LUC7L: variants seen among roughly 807,000 people sequenced by gnomAD.
LUC7L encodes putative RNA-binding protein Luc7-like 1.
A neutral mutation model predicts 51.1 loss-of-function variants in LUC7L; 29 were observed. The ratio of observed to expected loss-of-function variants is 0.57; its 90% CI spans 0.42 to 0.77. The LOEUF (loss-of-function observed/expected upper bound fraction) is 0.77, where lower values mean the gene tolerates loss of function less well. LUC7L is among the 30% of genes least tolerant of loss of function. LUC7L has a pLI of 0.00. For synonymous variants in LUC7L, 181 were observed against 180.7 expected (o/e 1.00, Z -0.01); for missense variants, 403 against 511.9 (o/e 0.79, Z 2.05).
chr16:219,597 G>C (rs2049908203), intron 3 of LUC7L, among the ~76,000 whole-genome samples: 1 of 151,778 alleles, frequency 6.6e-6, no homozygotes, highest in Non-Finnish European at 1.5e-5. Flanking sequence ...AAAGAAGCTA[G>C]GCACGGTGGC....
At chr16:217,577 T>G (rs1039163035) in intron 3 of LUC7L, among the ~76,000 whole-genome samples, 9 of 151,334 alleles carry the variant, frequency 5.9e-5, no homozygotes, top group Non-Finnish European at 1.0e-4. Context: ...CGTAGCGATG[T>G]GCACCTGTAA....
At chr16:202,144 T>C (rs2049351682) in intron 5 of LUC7L, among the ~76,000 whole-genome samples, 1 of 151,978 alleles carries the variant, frequency 6.6e-6, no homozygotes, top group Non-Finnish European at 1.5e-5. Context: ...CCTTCCAAAG[T>C]GTTGAGATTA....
At chr16:228,438 G>A (rs1380181889) in intron 1 of LUC7L, 3 of 1,259,596 alleles carry the variant, frequency 2.4e-6, no homozygotes, top group East Asian at 5.7e-5. Flanking sequence ...CAATTGTTCA[G>A]TTTGTATGAA....
chr16:227,882 A>G (rs2050170895), intron 1 of LUC7L: 1 of 1,001,550 alleles, frequency 1.0e-6, no homozygotes, highest in Non-Finnish European at 1.2e-6. Context: ...CCCTTAAAAA[A>G]GAGAGTTGCT....
chr16:193,589 T>G (rs902140245), intron 6 of LUC7L, among the ~76,000 whole-genome samples: 3 of 151,538 alleles, frequency 2.0e-5, no homozygotes, highest in African/African-American at 7.3e-5. Flanking sequence ...CTCTGCCTCC[T>G]GGGTTCAAGC....
chr16:221,414 G>C lies in LUC7L; in HGVS notation c.157-667C>G, dbSNP rs1425393578. Among the ~76,000 whole-genome samples, 2 of 151,904 alleles carry C rather than the reference G, an allele frequency of 1.3e-5. 1 individual carries two copies. Among genetic ancestry groups the C allele is most frequent in the South Asian group, 4.2e-4 (2 of 4,804 alleles). On this transcript the variant is annotated intron_variant, in intron 2 of 9. Coordinates refer to ENST00000293872, the MANE Select transcript of LUC7L (RefSeq NM_201412.3). ...ATGTGGGGTGGCAGGGATAGGAAAC[G>C]GCCAGGGCTGGGCGTGGTGGCTCAC...
intron 2 of LUC7L, among the ~76,000 whole-genome samples, chr16:221,472 C>G (rs1371800443): frequency 6.6e-6 from 1 of 151,978 alleles, no homozygotes; most frequent in African/African-American, 2.4e-5. Context: ...GAGGGTGAGG[C>G]AGGCGGATCA....
rs538171444 is a variant in LUC7L at position 214,751 on chromosome 16, A to T, written c.255+5898T>A. 1.1e-4 allele frequency among the ~76,000 whole-genome samples: 17 copies of T among 152,218 alleles called. No homozygotes were observed. In the East Asian group the frequency reaches 1.7e-3, roughly 16 times the overall value. Reference sequence around the variant, plus strand: ...GTCATCTTGCCCAGGCTAGTCTCCAACTGGGCTCATGCGACCCACCCACCC... The same window carrying T: ...GTCATCTTGCCCAGGCTAGTCTCCATCTGGGCTCATGCGACCCACCCACCC... On this transcript the variant is annotated intron_variant, in intron 3 of 9. Coordinates refer to ENST00000293872, the MANE Select transcript of LUC7L (RefSeq NM_201412.3).
At chr16:189,940 C>T (rs753583612) in intron 9 of LUC7L, 28 bp downstream of exon 9, 5 of 1,591,036 alleles carry the variant, frequency 3.1e-6, no homozygotes, top group Non-Finnish European at 4.3e-6. Flanking sequence ...CTCCTGGTTG[C>T]AGCTACCGAA....
intron 1 of LUC7L, chr16:228,120 G>C: frequency 8.7e-7 from 1 of 1,148,226 alleles, no homozygotes; most frequent in Non-Finnish European, 1.1e-6. Flanking sequence ...AGGTAAAGTG[G>C]TATGTGACAA....
intron 6 of LUC7L, among the ~76,000 whole-genome samples, chr16:196,719 G>C (rs1001823222): frequency 1.3e-5 from 2 of 151,760 alleles, no homozygotes; most frequent in African/African-American, 4.8e-5. Context: ...GTAGAGACAG[G>C]GTTTTGCTAT....
At chr16:220,069 T>A (rs2049923788) in intron 3 of LUC7L, 1 of 152,150 alleles carries the variant, frequency 6.6e-6, no homozygotes, top group Non-Finnish European at 1.5e-5. Context: ...AAGACAACAT[T>A]ACAAAATTGT....
chr16:200,329 C>T (rs555920291), intron 5 of LUC7L, among the ~76,000 whole-genome samples: 411 of 150,988 alleles, frequency 2.7e-3, no homozygotes, highest in African/African-American at 9.5e-3. Context: ...GAGGCTGAGG[C>T]AGGAGAATGG....
rs2048939396 is a variant in LUC7L at position 189,059 on chromosome 16, A to G, written c.*139T>C. The G allele has an allele frequency of 1.7e-5, 16 of 957,820 alleles. No individual in the cohort carries two copies. The highest frequency in any genetic ancestry group is 4.6e-4 in the Middle Eastern group (2 of 4,350). 59.3% of individuals were successfully genotyped at this position (957,820 alleles called of 1,614,324 possible). A position where few individuals can be genotyped will look rare whatever the true frequency, so the allele number is the denominator to read the frequency against. The stretch of plus-strand genomic sequence containing the variant: ...CGGGAACACAGGAGCAACTCTGTAC[A>G]CTTCTAGAAACTCACAGCTAGCTCC... On this transcript the variant is annotated 3_prime_UTR_variant, in exon 10 of 10. Transcript: ENST00000293872.
At position 212,794 on chromosome 16, in the gene LUC7L, T is replaced by C. The variant is rs76230332; in HGVS notation, c.256-4606A>G. Among the ~76,000 whole-genome samples, 613 of 152,030 alleles carry C rather than the reference T, an allele frequency of 4.0e-3. 4 individuals are homozygous for C. Among genetic ancestry groups the C allele is most frequent in the African/African-American group, 0.014 (572 of 41,456 alleles). The stretch of plus-strand genomic sequence containing the variant: ...TAAAGAAATATACCTTTTTTTTTTT[T>C]CCCGAGAGGATCTTGCTCTGTCACC... On this transcript the variant is annotated intron_variant, in intron 3 of 9. Transcript: ENST00000293872.
chr16:201,830 G>A (rs373064746), intron 5 of LUC7L, among the ~76,000 whole-genome samples: 40 of 137,150 alleles, frequency 2.9e-4, no homozygotes, highest in Non-Finnish European at 4.2e-4. Flanking sequence ...TGCAACCTCC[G>A]CCTTCTGGGT....
At chr16:222,678 G>A (rs2050006663) in intron 2 of LUC7L, among the ~76,000 whole-genome samples, 1 of 143,544 alleles carries the variant, frequency 7.0e-6, no homozygotes, top group Non-Finnish European at 1.5e-5. Flanking sequence ...CGCTCTTGTT[G>A]CCCAGACTGT....
At chr16:196,693 A>G (rs146024654) in intron 6 of LUC7L, among the ~76,000 whole-genome samples, 1 of 151,092 alleles carries the variant, frequency 6.6e-6, no homozygotes, top group Non-Finnish European at 1.5e-5. Flanking sequence ...ATGCCCAGCT[A>G]ATTTTTGTGT....
intron 6 of LUC7L, among the ~76,000 whole-genome samples, chr16:198,444 ACT>A (rs1366332176): frequency 2.0e-5 from 3 of 151,950 alleles, no homozygotes; most frequent in Non-Finnish European, 4.4e-5. Context: ...GATGTGTGAC[ACT>A]CTGTCTTGAC....
Sources: gnomAD v4.1 joint callset for allele counts (sites outside exome capture counted in the v4.1 genomes callset) on GRCh38, gnomAD v4.1.1 for gene constraint, MANE v1.5 for transcripts, NCBI Gene and HGNC (gene_info 2026-07-23, HGNC 2026-07-21) for gene names.